The following NAALADL2 variants were observed in gnomAD, a reference collection of about 807,000 sequenced individuals.
NAALADL2 encodes the protein inactive N-acetylated-alpha-linked acidic dipeptidase-like protein 2.
A neutral mutation model predicts 87.2 loss-of-function variants in NAALADL2; 76 were observed. The observed-to-expected ratio is 0.87, with a 90% CI of 0.72 to 1.05. NAALADL2 has a LOEUF of 1.05. NAALADL2 is among the 50% of genes least tolerant of loss of function. The pLI is 0.00. For missense variants in NAALADL2, 1,089 were observed against 945.8 expected (o/e 1.15, Z -1.99); for synonymous variants, 354 against 331.0 (o/e 1.07, Z -0.75).
chr3:174,706,570 C>G (rs1345225912), intron 2 of NAALADL2, among the ~76,000 whole-genome samples: 1 of 152,200 alleles, frequency 6.6e-6, no homozygotes, highest in Non-Finnish European at 1.5e-5. Context: ...CAAAAATTTT[C>G]TCCTATTCTG....
intron 10 of NAALADL2, among the ~76,000 whole-genome samples, chr3:175,620,217 C>T (rs890623233): frequency 1.3e-5 from 2 of 152,298 alleles, no homozygotes; most frequent in East Asian, 3.9e-4. Context: ...CAACCTCTAC[C>T]TGGGACCTCA....
rs1560445980 is a variant in NAALADL2, at chr3:174,987,583, A to AT, written c.44-109207_44-109206insT. 5.2e-3 allele frequency among the ~76,000 whole-genome samples: 637 copies of AT among 122,908 alleles called. 24 individuals carry two copies. Among genetic ancestry groups the AT allele is most frequent in the African/African-American group, 0.027 (621 of 22,926 alleles). The allele number at this position is 122,908 out of a possible 152,430, so 80.6% of individuals were successfully genotyped here. On this transcript the variant is annotated intron_variant, in intron 1 of 13. Coordinates refer to ENST00000454872, the MANE Select transcript of NAALADL2 (RefSeq NM_207015.3). ...GACTCCGTCTCAAAAAAAAAAAAAA[A>AT]AAAAAAAAAAAAAAACAATACTCAT...
At chr3:175,576,211 A>AAC (rs755772160) in intron 10 of NAALADL2, 24 bp downstream of exon 10, 13 of 1,601,116 alleles carry the variant, frequency 8.1e-6, no homozygotes, top group South Asian at 3.3e-5. Context: ...AAAAATGCAA[A>AAC]ACACACACAC....
chr3:175,750,415 C>T (rs1746486605), intron 12 of NAALADL2, among the ~76,000 whole-genome samples: 1 of 152,074 alleles, frequency 6.6e-6, no homozygotes, highest in Admixed American at 6.6e-5. Context: ...TCCCTGCCTC[C>T]ACCCCTCCCT....
intron 2 of NAALADL2, among the ~76,000 whole-genome samples, chr3:175,121,766 G>A (rs956675389): frequency 2.6e-5 from 4 of 151,686 alleles, no homozygotes; most frequent in African/African-American, 9.7e-5. Flanking sequence ...ATTCAAGATG[G>A]GTTTCTCCAT....
chr3:175,478,500 A>T (rs928657328), intron 9 of NAALADL2, among the ~76,000 whole-genome samples: 3 of 151,954 alleles, frequency 2.0e-5, no homozygotes, highest in African/African-American at 7.2e-5. Flanking sequence ...AGATAACAAG[A>T]GAAGTCTTAG....
intron 2 of NAALADL2, among the ~76,000 whole-genome samples, chr3:174,641,782 G>A (rs1326716320): frequency 6.6e-6 from 1 of 152,050 alleles, no homozygotes; most frequent in Non-Finnish European, 1.5e-5. Flanking sequence ...TAGAGACAGG[G>A]TCTTGTTCTG....
intron 1 of NAALADL2, among the ~76,000 whole-genome samples, chr3:174,946,022 C>A (rs111667390): frequency 1.6e-5 from 2 of 123,364 alleles, no homozygotes; most frequent in Non-Finnish European, 3.2e-5. Context: ...CTCCAGCCTG[C>A]GCAACAGTGA....
At chr3:174,577,110 A>G (rs1180054864) in intron 2 of NAALADL2, among the ~76,000 whole-genome samples, 1 of 152,142 alleles carries the variant, frequency 6.6e-6, no homozygotes, top group Non-Finnish European at 1.5e-5. Flanking sequence ...TGATTCAACA[A>G]TCAACTGTCT....
intron 6 of NAALADL2, among the ~76,000 whole-genome samples, chr3:175,458,248 T>C (rs1722614442): frequency 6.6e-6 from 1 of 152,040 alleles, no homozygotes; most frequent in African/African-American, 2.4e-5. Context: ...TTTCTCTCCA[T>C]ACTACTCAGT....
At chr3:174,548,271 G>A in intron 1 of NAALADL2, among the ~76,000 whole-genome samples, 2 of 152,082 alleles carry the variant, frequency 1.3e-5, no homozygotes, top group Admixed American at 1.3e-4. Context: ...TTTTTAAAGG[G>A]TACATAACAC....
At chr3:174,743,251 G>A (rs73174716) in intron 3 of NAALADL2, among the ~76,000 whole-genome samples, 7 of 151,672 alleles carry the variant, frequency 4.6e-5, no homozygotes, top group East Asian at 1.9e-4. Context: ...TTTCTCAACC[G>A]GGTCTTTTGT....
At chr3:175,654,461 C>G (rs1234960087) in intron 11 of NAALADL2, among the ~76,000 whole-genome samples, 2 of 152,122 alleles carry the variant, frequency 1.3e-5, no homozygotes, top group African/African-American at 4.8e-5. Flanking sequence ...AATTCTCCAG[C>G]CTTAGATCTT....
chr3:174,564,157 G>A (rs566573405), intron 2 of NAALADL2, among the ~76,000 whole-genome samples: 1 of 152,104 alleles, frequency 6.6e-6, no homozygotes, highest in African/African-American at 2.4e-5. Context: ...CTCAGTAGCC[G>A]GGGGGCTAGT....
At chr3:175,173,651 T>C (rs145525271) in intron 2 of NAALADL2, among the ~76,000 whole-genome samples, 5 of 152,360 alleles carry the variant, frequency 3.3e-5, no homozygotes, top group African/African-American at 9.6e-5. Context: ...CTACATTAGT[T>C]GAAAAAGAAA....
intron 2 of NAALADL2, among the ~76,000 whole-genome samples, chr3:175,223,303 G>T (rs112192315): frequency 1.3e-5 from 2 of 150,678 alleles, no homozygotes; most frequent in Admixed American, 6.6e-5. Context: ...CCTACCTCCC[G>T]GCAACCACCA....
chr3:174,458,935 A>G (rs1042365562), intron 1 of NAALADL2, among the ~76,000 whole-genome samples: 3 of 152,082 alleles, frequency 2.0e-5, no homozygotes, highest in African/African-American at 7.2e-5. Flanking sequence ...GGTTACTAAC[A>G]TGATCAAAGT....
intron 1 of NAALADL2, among the ~76,000 whole-genome samples, chr3:174,983,912 A>C (rs1050654860): frequency 6.6e-6 from 1 of 152,194 alleles, no homozygotes; most frequent in Non-Finnish European, 1.5e-5. Context: ...TCAAAATATA[A>C]AAACATACAC....
At chr3:175,471,058 T>C (rs73043196) in intron 8 of NAALADL2, among the ~76,000 whole-genome samples, 8,170 of 152,238 alleles carry the variant, frequency 0.054, 694 homozygotes, top group African/African-American at 0.18. Context: ...AAGAACATTT[T>C]CTCTTAAAAT....
Sources: gnomAD v4.1 joint callset for allele counts (sites outside exome capture counted in the v4.1 genomes callset) on GRCh38, gnomAD v4.1.1 for gene constraint, MANE v1.5 for transcripts, NCBI Gene and HGNC (gene_info 2026-07-23, HGNC 2026-07-21) for gene names.